PARVB: variants seen among roughly 807,000 people sequenced by gnomAD.
PARVB encodes parvin beta.
Under a neutral mutation model 47.0 loss-of-function variants are expected in PARVB, and 46 were observed. That is an observed-to-expected ratio of 0.98 (90% CI 0.77 to 1.25). The LOEUF is 1.25. Among genes scored for constraint, PARVB ranks in the 50% most tolerant of loss-of-function variants. PARVB has a pLI of 0.00. For synonymous variants in PARVB, 196 were observed against 196.3 expected (o/e 1.00, Z 0.01); for missense variants, 473 against 471.6 (o/e 1.00, Z -0.03).
chr22:44,084,146 G>A (rs924707655), intron 1 of PARVB, among the ~76,000 whole-genome samples: 1 of 152,208 alleles, frequency 6.6e-6, no homozygotes, highest in Admixed American at 6.5e-5. Context: ...AAGGCCAGTG[G>A]GAAGGAGTGC....
At chr22:44,150,225 A>C (rs1375352267) in intron 9 of PARVB, 1 of 152,236 alleles carries the variant, frequency 6.6e-6, no homozygotes, top group Non-Finnish European at 1.5e-5. Context: ...GCAGTGGTGG[A>C]TGATATTGAG....
chr22:44,032,542 A>G (rs1192116377), intron 1 of PARVB, among the ~76,000 whole-genome samples: 2 of 152,074 alleles, frequency 1.3e-5, no homozygotes, highest in Admixed American at 6.6e-5. Context: ...GCCTCCTTGC[A>G]CTGGATCTGT....
At chr22:44,088,454 C>G (rs1332489015) in intron 1 of PARVB, among the ~76,000 whole-genome samples, 2 of 152,068 alleles carry the variant, frequency 1.3e-5, no homozygotes, top group Non-Finnish European at 2.9e-5. Context: ...CCCTCACAGA[C>G]TTGTTTATTT....
chr22:44,158,405 G>A (rs1033146738), intron 11 of PARVB, among the ~76,000 whole-genome samples: 9 of 152,202 alleles, frequency 5.9e-5, no homozygotes, highest in African/African-American at 2.2e-4. Flanking sequence ...ACCACCTGTG[G>A]TTTTCCCTGC....
At chr22:44,088,032 T>C (rs1333148498) in intron 1 of PARVB, among the ~76,000 whole-genome samples, 1 of 152,054 alleles carries the variant, frequency 6.6e-6, no homozygotes, top group Non-Finnish European at 1.5e-5. Context: ...CTCTGAGGTG[T>C]GTTAGGCCCC....
rs983632904 is a variant in PARVB, at chr22:44,089,028, G to C, written c.113-4900G>C. ...ATTTCCAGCTTTTCTTGAAAACTCAGATCTGGTGACTGCAGCCTGCACTTC... is the reference window on the plus strand; with the variant it reads ...ATTTCCAGCTTTTCTTGAAAACTCACATCTGGTGACTGCAGCCTGCACTTC... On this transcript the variant is annotated intron_variant, in intron 1 of 12. Coordinates refer to ENST00000338758, the MANE Select transcript of PARVB (RefSeq NM_013327.5). This position sits in a 1 kb window ranked among gnomAD's most constrained non-coding sequence, Gnocchi z 4.0. Among the ~76,000 whole-genome samples the C allele has an allele frequency of 1.3e-5, 2 of 152,128 alleles. No homozygotes were observed. Among genetic ancestry groups the C allele is most frequent in the African/African-American group, 2.4e-5 (1 of 41,428 alleles).
chr22:44,096,295 G>A (rs184937227), intron 2 of PARVB, among the ~76,000 whole-genome samples: 5 of 152,330 alleles, frequency 3.3e-5, no homozygotes, highest in Non-Finnish European at 5.9e-5. Flanking sequence ...TACTCAGGAG[G>A]CTGAGGTGGG....
chr22:44,021,569 A>C (rs1428057743), upstream of PARVB, among the ~76,000 whole-genome samples: 1 of 152,150 alleles, frequency 6.6e-6, no homozygotes, highest in Non-Finnish European at 1.5e-5. Context: ...ATATTGTAAC[A>C]AAAGATCTGC....
intron 3 of PARVB, chr22:44,108,112 A>C (rs1212291902): frequency 6.6e-6 from 1 of 152,174 alleles, no homozygotes; most frequent in East Asian, 1.9e-4. Context: ...GAGCTCAGGC[A>C]ATCTGCCTGC....
rs9625977 is a variant in PARVB, at chr22:44,049,423, T to C, written c.112+24972T>C. ...GCTCCTGTCTGATTAAATTTGAGGT[T>C]CGTTTCTCAAGTTTAGCTCTTGTCT... is the stretch of plus-strand genomic sequence containing the variant. On this transcript the variant is annotated intron_variant, in intron 1 of 12. Coordinates refer to ENST00000338758, the MANE Select transcript of PARVB (RefSeq NM_013327.5). This position sits in a 1 kb window ranked among gnomAD's most constrained non-coding sequence, Gnocchi z 4.0. 0.023 allele frequency among the ~76,000 whole-genome samples: 3,543 copies of C among 152,332 alleles called. 153 individuals are homozygous for C. The highest frequency in any genetic ancestry group is 0.081 in the African/African-American group (3,370 of 41,560).
At chr22:44,064,386 G>A (rs2051478879) in intron 1 of PARVB, among the ~76,000 whole-genome samples, 1 of 152,226 alleles carries the variant, frequency 6.6e-6, no homozygotes, top group Non-Finnish European at 1.5e-5. Context: ...AGCAGGAAAT[G>A]TGTGTGGACT....
chr22:44,135,605 A>G (rs1018242287), intron 6 of PARVB, among the ~76,000 whole-genome samples: 3 of 152,168 alleles, frequency 2.0e-5, no homozygotes, highest in Non-Finnish European at 4.4e-5. Flanking sequence ...TGTGACATAT[A>G]CTGTGTCAGT....
intron 11 of PARVB, among the ~76,000 whole-genome samples, chr22:44,163,454 C>T (rs1438027759): frequency 2.0e-5 from 3 of 152,234 alleles, no homozygotes; most frequent in East Asian, 1.9e-4. Context: ...CACTAGCCTG[C>T]GCTCTAGACC....
intron 1 of PARVB, among the ~76,000 whole-genome samples, chr22:44,074,011 C>T (rs764938549): frequency 2.0e-5 from 3 of 152,216 alleles, no homozygotes; most frequent in Middle Eastern, 3.2e-3. Flanking sequence ...GCTGGCTGGG[C>T]TCTGAGGATG....
upstream of PARVB, among the ~76,000 whole-genome samples, chr22:44,023,512 AAAAAT>A (rs200193972): frequency 0.018 from 2,599 of 144,966 alleles, 66 homozygotes; most frequent in East Asian, 0.072. Flanking sequence ...CTACGTCTAA[AAAAAT>A]AAAATAAAAT....
chr22:44,021,105 C>A (rs983240677), upstream of PARVB, among the ~76,000 whole-genome samples: 1 of 152,154 alleles, frequency 6.6e-6, no homozygotes, highest in Non-Finnish European at 1.5e-5. Context: ...TTTTATGGAG[C>A]CTTCATTGGC....
intron 2 of PARVB, among the ~76,000 whole-genome samples, chr22:44,018,902 GT>G (rs10714888): frequency 0.33 from 50,494 of 152,036 alleles, 10,842 homozygotes; most frequent in African/African-American, 0.62. Flanking sequence ...CCTGGAGCTG[GT>G]TAATTTTTTA....
intron 1 of PARVB, among the ~76,000 whole-genome samples, chr22:44,030,024 A>C (rs1236135644): frequency 6.6e-6 from 1 of 152,274 alleles, no homozygotes; most frequent in East Asian, 1.9e-4. Flanking sequence ...GAAATCTCAA[A>C]GCTCTAAACC....
chr22:44,120,886 C>A (rs960258463), intron 4 of PARVB, among the ~76,000 whole-genome samples: 2 of 151,910 alleles, frequency 1.3e-5, no homozygotes, highest in Non-Finnish European at 2.9e-5. Flanking sequence ...CTCTGTCACC[C>A]AGGCTGGAGT....
Sources: allele counts gnomAD v4.1 joint callset (sites outside exome capture counted in the v4.1 genomes callset), GRCh38; gene constraint gnomAD v4.1.1; non-coding constraint Gnocchi (gnomAD v3.1); transcripts MANE v1.5; gene names NCBI Gene and HGNC (gene_info 2026-07-23, HGNC 2026-07-21).